The following SLC14A2 variants were observed in gnomAD, a reference collection of about 807,000 sequenced individuals.
SLC14A2 encodes urea transporter 2.
SLC14A2 carries 91 observed loss-of-function variants against 104.6 expected under a neutral mutation model. The observed-to-expected ratio is 0.87, with a 90% CI of 0.73 to 1.04. The LOEUF (loss-of-function observed/expected upper bound fraction) is 1.04, where lower values mean the gene tolerates loss of function less well. Among genes scored for constraint, SLC14A2 ranks in the 50% least tolerant of loss-of-function variants. The pLI, the probability that SLC14A2 is intolerant of heterozygous loss-of-function variation, is 0.00. For synonymous variants in SLC14A2, 476 were observed against 466.4 expected (o/e 1.02, Z -0.27); for missense variants, 1,189 against 1,156.0 (o/e 1.03, Z -0.41).
intron 2 of SLC14A2, chr18:45,493,392 C>T (rs906457321): frequency 6.6e-6 from 1 of 152,236 alleles, no homozygotes; most frequent in African/African-American, 2.4e-5. Flanking sequence ...ATCTTGCCCT[C>T]ATTTTATGAA....
intron 1 of SLC14A2, among the ~76,000 whole-genome samples, chr18:45,247,906 G>A (rs1453745873): frequency 6.6e-6 from 1 of 152,034 alleles, no homozygotes; most frequent in Non-Finnish European, 1.5e-5. Flanking sequence ...GAAGGTGGTG[G>A]AATTACAATT....
At chr18:45,273,641 G>A (rs1469969344) in intron 1 of SLC14A2, among the ~76,000 whole-genome samples, 1 of 152,122 alleles carries the variant, frequency 6.6e-6, no homozygotes, top group East Asian at 1.9e-4. Context: ...GGTGAGCAGA[G>A]TAATTGGGTG....
Position 45,385,896 on chromosome 18 carries a change from G to A in SLC14A2, c.-124-97337G>A, listed in dbSNP as rs534548733. Among the ~76,000 whole-genome samples the A allele has an allele frequency of 9.9e-5, 15 of 152,282 alleles. No homozygotes were observed. In the South Asian group the frequency reaches 3.1e-3, roughly 32 times the overall value. ...GCATCAGAAAAGATGGAAATAAAGT[G>A]GGCTTGAAGCAGCTGAAGCTTTCAC... On this transcript the variant is annotated intron_variant, in intron 1 of 20. Coordinates refer to the SLC14A2 transcript ENST00000586448.
chr18:45,652,434 T>C (rs2045756822), intron 10 of SLC14A2, among the ~76,000 whole-genome samples: 1 of 152,202 alleles, frequency 6.6e-6, no homozygotes, highest in Non-Finnish European at 1.5e-5. Context: ...CCCAACCCCC[T>C]TCTACCGCTG....
intron 1 of SLC14A2, among the ~76,000 whole-genome samples, chr18:45,456,871 C>T (rs1389992368): frequency 6.6e-6 from 1 of 151,506 alleles, no homozygotes; most frequent in South Asian, 2.1e-4. Context: ...GAGGTAAAGA[C>T]AGCCTTTGGA....
chr18:45,620,618 T>A (rs1268791270), intron 1 of SLC14A2, among the ~76,000 whole-genome samples: 1 of 152,144 alleles, frequency 6.6e-6, no homozygotes, highest in Non-Finnish European at 1.5e-5. Flanking sequence ...TGGCCCCTGT[T>A]CTTACAGGGA....
At chr18:45,454,984 C>A (rs2086918148) in intron 1 of SLC14A2, among the ~76,000 whole-genome samples, 1 of 152,148 alleles carries the variant, frequency 6.6e-6, no homozygotes, top group South Asian at 2.1e-4. Flanking sequence ...CTTGGCAGTG[C>A]AGGCTCTTTT....
At chr18:45,323,293 C>T (rs1433111766) in intron 1 of SLC14A2, among the ~76,000 whole-genome samples, 4 of 152,184 alleles carry the variant, frequency 2.6e-5, no homozygotes, top group Non-Finnish European at 5.9e-5. Flanking sequence ...TGCAATGTCT[C>T]CTCTTTTTCC....
At chr18:45,666,021 T>G (rs7234198) in intron 11 of SLC14A2, 116 bp from the exon 12 acceptor site, 538,591 of 694,948 alleles carry the variant, frequency 0.78, 213,146 homozygotes, top group Non-Finnish European at 0.83. Context: ...GCTTCCTCAG[T>G]AGGAACAGGA....
chr18:45,437,360 G>C (rs1306569220), intron 1 of SLC14A2, among the ~76,000 whole-genome samples: 3 of 152,062 alleles, frequency 2.0e-5, no homozygotes, highest in African/African-American at 4.8e-5. Context: ...CTCATAGAGA[G>C]AGTCATGCAC....
At chr18:45,507,915 A>G (rs1056746576) in intron 2 of SLC14A2, among the ~76,000 whole-genome samples, 1 of 152,238 alleles carries the variant, frequency 6.6e-6, no homozygotes, top group Non-Finnish European at 1.5e-5. Context: ...AACCAACTAG[A>G]AAAACATGGC....
At chr18:45,171,036 A>G in the SLC14A2 span, among the ~76,000 whole-genome samples, 1 of 151,846 alleles carries the variant, frequency 6.6e-6, no homozygotes, top group South Asian at 2.1e-4. Context: ...AATGACTCAA[A>G]CAGAGATCTA....
chr18:45,473,938 G>A, intron 1 of SLC14A2, among the ~76,000 whole-genome samples: 1 of 152,166 alleles, frequency 6.6e-6, no homozygotes, highest in East Asian at 1.9e-4. Context: ...GTAAGAGAGG[G>A]CATACTTGTC....
Position 45,305,197 on chromosome 18 carries a change from T to C in SLC14A2, c.-125+92006T>C, listed in dbSNP as rs576552190. Among the ~76,000 whole-genome samples the C allele has an allele frequency of 1.2e-3, 179 of 152,224 alleles. 1 individual carries two copies. The highest frequency in any genetic ancestry group is 3.4e-3 in the Middle Eastern group (1 of 294). On this transcript the variant is annotated intron_variant, in intron 1 of 20. Coordinates refer to the SLC14A2 transcript ENST00000586448. ...GAGGTAGGGCAGAGAACCTGCTTGT[T>C]TGGGAGACAGGATAAGGCACAAAAT...
chr18:45,171,665 A>G, the SLC14A2 span, among the ~76,000 whole-genome samples: 1 of 152,132 alleles, frequency 6.6e-6, no homozygotes, highest in South Asian at 2.1e-4. Context: ...TGGAACTGGA[A>G]CCAGAACTCT....
intron 1 of SLC14A2, among the ~76,000 whole-genome samples, chr18:45,301,624 T>A (rs529707660): frequency 8.5e-4 from 130 of 152,346 alleles, no homozygotes; most frequent in African/African-American, 2.9e-3. Context: ...GTGACTGATA[T>A]CAGAGATTTG....
At chr18:45,462,913 C>T (rs1016264630) in intron 1 of SLC14A2, among the ~76,000 whole-genome samples, 1 of 152,172 alleles carries the variant, frequency 6.6e-6, no homozygotes, top group East Asian at 1.9e-4. Flanking sequence ...CAATATATGG[C>T]CTCTATTATC....
intron 2 of SLC14A2, among the ~76,000 whole-genome samples, chr18:45,538,747 A>G (rs74956814): frequency 3.4e-4 from 52 of 152,272 alleles, no homozygotes; most frequent in African/African-American, 1.2e-3. Context: ...AGGAAACTGA[A>G]TACCAGCAGG....
intron 1 of SLC14A2, among the ~76,000 whole-genome samples, chr18:45,617,264 AT>A (rs2045088916): frequency 1.3e-5 from 2 of 152,130 alleles, no homozygotes; most frequent in African/African-American, 4.8e-5. Context: ...GGAGGCCAGA[AT>A]TCCCCTGCCA....
Sources: gnomAD v4.1 joint callset for allele counts (sites outside exome capture counted in the v4.1 genomes callset) on GRCh38, gnomAD v4.1.1 for gene constraint, MANE v1.5 for transcripts, NCBI Gene and HGNC (gene_info 2026-07-23, HGNC 2026-07-21) for gene names.